The following FREM2 variants were observed in gnomAD, a reference collection of about 807,000 sequenced individuals.
FREM2 encodes FRAS1 related extracellular matrix 2, also known as FRAS1-related extracellular matrix protein 2.
A neutral mutation model predicts 219.9 loss-of-function variants in FREM2; 119 were observed. That is an observed-to-expected ratio of 0.54 (90% CI 0.47 to 0.63). The LOEUF (loss-of-function observed/expected upper bound fraction) is 0.63. Among genes scored for constraint, FREM2 ranks in the 30% least tolerant of loss-of-function variants. FREM2 has a pLI of 0.00. For synonymous variants in FREM2, 1,562 were observed against 1,522.8 expected (o/e 1.03, Z -0.60); for missense variants, 4,030 against 3,993.6 (o/e 1.01, Z -0.25).
rs1349978365 is a variant in FREM2, at chr13:38,687,640, T to C, written c.296T>C (p.Val99Ala). 4 of 1,607,978 alleles carry C rather than the reference T, an allele frequency of 2.5e-6. No individual in the cohort carries two copies. Among genetic ancestry groups the C allele is most frequent in the Non-Finnish European group, 3.4e-6 (4 of 1,177,094 alleles). The change falls in exon 1 of 24, where the codon GTG becomes GCG. Residue 99 changes from valine (V) to alanine (A), a missense_variant. Transcript: ENST00000280481. ...LDPLHDLVLQ[V>A]QPGDRCAVSV... ...CCCCTGCATGACCTGGTGTTGCAGG[T>C]GCAGCCCGGGGACCGCTGCGCGGTT...
Position 38,687,399 on chromosome 13 carries a change from A to G in FREM2, c.55A>G (p.Ser19Gly). The G allele has an allele frequency of 6.2e-7, 1 of 1,609,006 alleles. No homozygotes were observed. The highest frequency in any genetic ancestry group is 8.5e-7 in the Non-Finnish European group (1 of 1,178,226). ...LSSRRTGNSTSFQPGPPPPPR... is the reference protein window; with the variant it reads ...LSSRRTGNSTGFQPGPPPPPR... ...CTCGCGCCGGACAGGCAACTCCACC[A>G]GCTTTCAACCAGGACCGCCACCGCC... The change falls in exon 1 of 24, where the codon AGC (serine) becomes GGC (glycine). Residue 19 changes from serine (S) to glycine (G), a missense_variant. Physicochemically the swap from Ser to Gly is moderately conservative, Grantham distance 56. Coordinates refer to ENST00000280481, the MANE Select transcript of FREM2 (RefSeq NM_207361.6).
intron 2 of FREM2, among the ~76,000 whole-genome samples, chr13:38,737,932 T>C (rs1304808378): frequency 6.6e-6 from 1 of 152,036 alleles, no homozygotes; most frequent in Non-Finnish European, 1.5e-5. Flanking sequence ...GGAGATTGGA[T>C]GGGGGTGAAG....
Position 38,687,410 on chromosome 13 carries a change from A to G in FREM2, c.66A>G (p.Pro22=). The G allele has an allele frequency of 3.1e-6, 5 of 1,607,486 alleles. No homozygotes were observed. The highest frequency in any genetic ancestry group is 2.2e-5 in the South Asian group (2 of 90,066). The change falls in exon 1 of 24, where the codon CCA becomes CCG. Residue 22 remains proline, a synonymous_variant. Transcript: ENST00000280481. ...RRTGNSTSFQ[P]GPPPPPRLLL... ...CAGGCAACTCCACCAGCTTTCAACC[A>G]GGACCGCCACCGCCGCCCCGGCTGC... is the stretch of plus-strand genomic sequence containing the variant.
rs34237877 is a variant in FREM2, at chr13:38,866,667, C to CAAA, written c.7983+2077_7983+2079dup. 1.5e-4 allele frequency among the ~76,000 whole-genome samples: 17 copies of CAAA among 116,000 alleles called. No homozygotes were observed. In the East Asian group the frequency reaches 3.1e-3, roughly 21 times the overall value. The allele number at this position is 116,000 out of a possible 152,430, so 76.1% of individuals were successfully genotyped here. ...GGGCAACAAGAGTGAAACTCCATCT[C>CAAA]AAAAAAAAAAAAAAAAAATCACTTC... is the stretch of plus-strand genomic sequence containing the variant. On this transcript the variant is annotated intron_variant, in intron 16 of 23. Coordinates refer to ENST00000280481, the MANE Select transcript of FREM2 (RefSeq NM_207361.6).
intron 6 of FREM2, among the ~76,000 whole-genome samples, chr13:38,834,246 C>T (rs916237290): frequency 6.6e-6 from 1 of 151,666 alleles, no homozygotes; most frequent in African/African-American, 2.4e-5. Context: ...TCAACTCCTA[C>T]TTATGAGTGA....
intron 18 of FREM2, among the ~76,000 whole-genome samples, 153 bp downstream of exon 18, chr13:38,874,739 A>G (rs949170387): frequency 2.0e-5 from 3 of 152,222 alleles, no homozygotes; most frequent in Non-Finnish European, 4.4e-5. Flanking sequence ...GAGCTTGATA[A>G]TTGTTCAGCT....
At chr13:38,868,922 G>A (rs574154574) in intron 16 of FREM2, among the ~76,000 whole-genome samples, 2 of 152,156 alleles carry the variant, frequency 1.3e-5, no homozygotes, top group African/African-American at 2.4e-5. Context: ...CAGAGGCTTC[G>A]TGGTTTTATT....
intron 6 of FREM2, among the ~76,000 whole-genome samples, chr13:38,805,468 C>T (rs1875189255): frequency 6.6e-6 from 1 of 151,908 alleles, no homozygotes; most frequent in African/African-American, 2.4e-5. Context: ...TCTATTTAAA[C>T]ATACTAAGAT....
intron 2 of FREM2, among the ~76,000 whole-genome samples, chr13:38,704,548 CCAGCATGCCTG>C (rs1475749889): frequency 6.6e-6 from 1 of 152,164 alleles, no homozygotes; most frequent in Admixed American, 6.5e-5. Context: ...CAGAAAAGCA[CCAGCATGCCTG>C]CAGCTCCATG....
intron 6 of FREM2, among the ~76,000 whole-genome samples, chr13:38,826,747 T>C (rs995568792): frequency 3.3e-5 from 5 of 152,170 alleles, no homozygotes; most frequent in Admixed American, 2.0e-4. Context: ...ACAGTCTCTG[T>C]TGATTTCAAA....
At chr13:38,711,477 T>G (rs1289757677) in intron 2 of FREM2, among the ~76,000 whole-genome samples, 5 of 152,164 alleles carry the variant, frequency 3.3e-5, no homozygotes, top group Non-Finnish European at 7.3e-5. Flanking sequence ...GGAGCCTGTG[T>G]TTTTTACCAT....
At chr13:38,692,659 T>G (rs1384210482) in intron 1 of FREM2, 142 bp downstream of exon 1, 2 of 964,046 alleles carry the variant, frequency 2.1e-6, no homozygotes, top group Non-Finnish European at 3.2e-6. Context: ...GGGACTCACT[T>G]TCCTAGGAGG....
intron 2 of FREM2, among the ~76,000 whole-genome samples, chr13:38,719,588 CT>C (rs1295397857): frequency 6.6e-6 from 1 of 152,140 alleles, no homozygotes; most frequent in Non-Finnish European, 1.5e-5. Flanking sequence ...TGAAAGGACC[CT>C]TGTGATTCTG....
At position 38,689,759 on chromosome 13, in the gene FREM2, G is replaced by T; in HGVS notation, c.2415G>T (p.Gln805His). The T allele has an allele frequency of 1.2e-6, 2 of 1,613,362 alleles. No individual in the cohort carries two copies. Among genetic ancestry groups the T allele is most frequent in the Non-Finnish European group, 1.7e-6 (2 of 1,179,634 alleles). ...CTCGAGTGGCCCAGTTCCAGTTCCA[G>T]GTGGAAGACCGAGCTGGGAATGTGG... ...VATRVAQFQF[Q>H]VEDRAGNVAP... is the part of the protein sequence containing the mutation. The change falls in exon 1 of 24, where the codon CAG becomes CAT. Residue 805 changes from glutamine to histidine, a missense_variant. Gln to His is a conservative substitution (Grantham distance 24). This residue lies in a region of FREM2 where 3,102 missense variants were observed against 2,950.7 expected (regional missense o/e 1.05). Coordinates refer to ENST00000280481, the MANE Select transcript of FREM2 (RefSeq NM_207361.6).
rs377229607 is a variant in FREM2 at position 38,859,581 on chromosome 13, A to G, written c.7510A>G (p.Arg2504Gly). Residue 2504 changes from arginine to glycine, a missense_variant, in exon 14 of 24, where the codon AGA becomes GGA. Arg to Gly is a moderately radical substitution (Grantham distance 125). Around this residue, in one of 2 missense-constraint regions of FREM2, gnomAD observed 928 missense variants for 1,042.9 expected, o/e 0.89. Transcript: ENST00000280481. Reference protein sequence around the residue: ...ELMSPIVTISREEGLCQPRVP... With the variant: ...ELMSPIVTISGEEGLCQPRVP... ...CATGAGCCCTATTGTAACCATCAGCAGAGAAGAAGGTCAGTCATTGCCATT... is the reference window on the plus strand; with the variant it reads ...CATGAGCCCTATTGTAACCATCAGCGGAGAAGAAGGTCAGTCATTGCCATT... 6.2e-7 allele frequency: 1 copy of G among 1,613,762 alleles called. No individual in the cohort carries two copies. The highest frequency in any genetic ancestry group is 1.3e-5 in the African/African-American group (1 of 74,930).
intron 1 of FREM2, among the ~76,000 whole-genome samples, chr13:38,697,181 C>A (rs917581971): frequency 2.6e-5 from 4 of 152,090 alleles, no homozygotes; most frequent in Non-Finnish European, 5.9e-5. Flanking sequence ...TTGAAAATAT[C>A]ATCTTATTTT....
intron 6 of FREM2, among the ~76,000 whole-genome samples, chr13:38,797,795 G>T (rs891396497): frequency 2.6e-5 from 4 of 151,840 alleles, no homozygotes; most frequent in Non-Finnish European, 5.9e-5. Context: ...AATCCATCTT[G>T]ACTTGATTTT....
chr13:38,721,988 C>T (rs1334497719), intron 2 of FREM2, among the ~76,000 whole-genome samples: 1 of 152,032 alleles, frequency 6.6e-6, no homozygotes, highest in Non-Finnish European at 1.5e-5. Context: ...AATCTAAATC[C>T]CTGGTACTGG....
Position 38,846,487 on chromosome 13 carries a change from G to A in FREM2, c.6020-86G>A, listed in dbSNP as rs1877157159. 2.9e-6 allele frequency: 4 copies of A among 1,387,446 alleles called. No individual in the cohort carries two copies. In the Admixed American group the frequency reaches 5.4e-5, roughly 19 times the overall value. The allele number at this position is 1,387,446 out of a possible 1,614,324, so 85.9% of individuals were successfully genotyped here. On this transcript the variant is annotated intron_variant, in intron 6 of 23. Coordinates refer to ENST00000280481, the MANE Select transcript of FREM2 (RefSeq NM_207361.6). ...GATATAAGGAAGTCCCTAAGAGGAA[G>A]CACACTCTTCTTTGGAAGCATGTCA...
Sources: gnomAD v4.1 joint callset for allele counts (sites outside exome capture counted in the v4.1 genomes callset) on GRCh38, gnomAD v4.1.1 for gene constraint, gnomAD v4.1.1 regional missense constraint, MANE v1.5 for transcripts, NCBI Gene and HGNC (gene_info 2026-07-23, HGNC 2026-07-21) for gene names.